TOGARAM2: variants seen among roughly 807,000 people sequenced by gnomAD.
TOGARAM2 encodes TOG array regulator of axonemal microtubules protein 2.
TOGARAM2 carries 85 observed loss-of-function variants against 93.3 expected under a neutral mutation model. That is an observed-to-expected ratio of 0.91 (90% CI 0.76 to 1.09). TOGARAM2 has a LOEUF of 1.09. Ranked by LOEUF, TOGARAM2 falls within the 50% of genes least tolerant of loss-of-function variation. The pLI, the probability that TOGARAM2 is intolerant of heterozygous loss-of-function variation, is 0.00. For missense variants in TOGARAM2, 1,277 were observed against 1,334.5 expected (o/e 0.96, Z 0.67); for synonymous variants, 593 against 552.8 (o/e 1.07, Z -1.02).
At chr2:29,029,264 T>TACACACACACACACACACACACACAC (rs146395549) in intron 14 of TOGARAM2, among the ~76,000 whole-genome samples, 1 of 147,880 alleles carries the variant, frequency 6.8e-6, no homozygotes, top group African/African-American at 2.5e-5. Context: ...TATGTGTGTA[T>TACACACACACACACACACACACACAC]ACACACACAC....
chr2:28,999,600 T>C (rs2148281372), intron 4 of TOGARAM2, 132 bp downstream of exon 4: 1 of 1,033,628 alleles, frequency 9.7e-7, no homozygotes, highest in Non-Finnish European at 1.4e-6. Flanking sequence ...GGTGGGTACA[T>C]ACCAGGTACC....
At chr2:28,998,482 C>T (rs189364022) in intron 3 of TOGARAM2, among the ~76,000 whole-genome samples, 1 of 152,334 alleles carries the variant, frequency 6.6e-6, no homozygotes, top group Non-Finnish European at 1.5e-5. Flanking sequence ...GCAGGGCTCT[C>T]TGCATGCGCC....
intron 18 of TOGARAM2, among the ~76,000 whole-genome samples, chr2:29,042,737 G>A (rs546712117): frequency 5.3e-5 from 8 of 152,260 alleles, no homozygotes; most frequent in Admixed American, 3.9e-4. Flanking sequence ...TCCTAGCTCC[G>A]TGTCCGACTG....
At chr2:29,005,286 G>A (rs62650636) in intron 6 of TOGARAM2, among the ~76,000 whole-genome samples, 99,240 of 126,148 alleles carry the variant, frequency 0.79, 39,571 homozygotes, top group Non-Finnish European at 0.85. Context: ...GTGCATATGT[G>A]TGTGTGTGCA....
chr2:28,986,159 T>A (rs1672456412), intron 1 of TOGARAM2, among the ~76,000 whole-genome samples: 3 of 151,394 alleles, frequency 2.0e-5, no homozygotes, highest in Non-Finnish European at 4.4e-5. Context: ...TCTCCTTAAT[T>A]AGGATGCCCT....
chr2:29,016,346 C>A (rs185679473), intron 8 of TOGARAM2, among the ~76,000 whole-genome samples: 52 of 152,300 alleles, frequency 3.4e-4, no homozygotes, highest in African/African-American at 1.2e-3. Context: ...ACTCTTCCTG[C>A]TTCCAGTGTG....
At chr2:29,039,426 A>T (rs1666301323) in intron 18 of TOGARAM2, among the ~76,000 whole-genome samples, 1 of 152,166 alleles carries the variant, frequency 6.6e-6, no homozygotes, top group Admixed American at 6.5e-5. Flanking sequence ...CCAAGCTAGG[A>T]TGCCTTCTGG....
chr2:29,017,778 C>G lies in TOGARAM2; in HGVS notation c.1196-14C>G. On this transcript the variant is annotated splice_polypyrimidine_tract_variant and intron_variant, in intron 9 of 19. Transcript: ENST00000379558. ...CAGACCTGCCTAGTCCTAGGACTTT[C>G]TCTGTGTCCACAGGCCTCCTTCCCC... 6.3e-7 allele frequency: 1 copy of G among 1,597,048 alleles called. No individual in the cohort carries two copies. Among genetic ancestry groups the G allele is most frequent in the Non-Finnish European group, 8.5e-7 (1 of 1,170,028 alleles).
At chr2:29,036,143 C>T (rs571004148) in intron 17 of TOGARAM2, among the ~76,000 whole-genome samples, 1 of 152,264 alleles carries the variant, frequency 6.6e-6, no homozygotes, top group Admixed American at 6.5e-5. Context: ...GTCAGCAGAC[C>T]TGGGTTTCCA....
At chr2:29,028,969 C>T (rs147836260) in intron 14 of TOGARAM2, among the ~76,000 whole-genome samples, 332 of 152,184 alleles carry the variant, frequency 2.2e-3, no homozygotes, top group African/African-American at 7.5e-3. Context: ...TAGATGTTGG[C>T]GTGGATGTGG....
rs537885851 is a variant in TOGARAM2 at position 28,989,494 on chromosome 2, C to T, written c.-110-5231C>T. ...CTCACTGCAGCCTCAACCTCCTGCG[C>T]TCAAGTGATCCTCCTGCCTCAGCAC... On this transcript the variant is annotated intron_variant, in intron 1 of 19. Coordinates refer to ENST00000379558, the MANE Select transcript of TOGARAM2 (RefSeq NM_199280.4). Among the ~76,000 whole-genome samples, 17 of 152,018 alleles carry T rather than the reference C, an allele frequency of 1.1e-4. 1 individual carries two copies. In the South Asian group the frequency reaches 2.3e-3, roughly 20 times the overall value.
At chr2:29,044,105 A>G (rs1666596589) in intron 18 of TOGARAM2, among the ~76,000 whole-genome samples, 1 of 152,170 alleles carries the variant, frequency 6.6e-6, no homozygotes. Flanking sequence ...AGTCCCCAGA[A>G]CTTTACCCAT....
At chr2:28,993,528 G>A (rs1320908418) in intron 1 of TOGARAM2, among the ~76,000 whole-genome samples, 1 of 152,180 alleles carries the variant, frequency 6.6e-6, no homozygotes, top group African/African-American at 2.4e-5. Context: ...TGTCTCACAG[G>A]GGTTCAGGAC....
chr2:28,965,578 C>T (rs1159459380), intron 1 of TOGARAM2, among the ~76,000 whole-genome samples: 2 of 152,184 alleles, frequency 1.3e-5, no homozygotes, highest in East Asian at 3.8e-4. Context: ...GCCCTGGGAA[C>T]CCTTTAGCTC....
At chr2:28,966,354 G>T (rs1671866821) in intron 1 of TOGARAM2, among the ~76,000 whole-genome samples, 1 of 152,180 alleles carries the variant, frequency 6.6e-6, no homozygotes, top group African/African-American at 2.4e-5. Context: ...CTGGAGTTCA[G>T]TGGTGTGATC....
chr2:29,035,064 C>T (rs1424804857), intron 16 of TOGARAM2, among the ~76,000 whole-genome samples: 2 of 148,892 alleles, frequency 1.3e-5, no homozygotes, highest in African/African-American at 2.5e-5. Flanking sequence ...GCAGGAGAAT[C>T]GTTTGAACCC....
At position 28,999,478 on chromosome 2, in the gene TOGARAM2, G is replaced by A. The variant is rs1572662787; in HGVS notation, c.427+10G>A. On this transcript the variant is annotated intron_variant, in intron 4 of 19. Coordinates refer to ENST00000379558, the MANE Select transcript of TOGARAM2 (RefSeq NM_199280.4). ...GCAGCGTCTTCCCGAGGTGAGCACT[G>A]GCCCCTGCCCACCCCTCACCCACCC... 1 of 1,585,534 alleles carries A rather than the reference G, an allele frequency of 6.3e-7. No homozygotes were observed. Among genetic ancestry groups the A allele is most frequent in the South Asian group, 1.2e-5 (1 of 85,792 alleles).
At chr2:28,993,800 G>T (rs1205710216) in intron 1 of TOGARAM2, among the ~76,000 whole-genome samples, 1 of 152,244 alleles carries the variant, frequency 6.6e-6, no homozygotes, top group Non-Finnish European at 1.5e-5. Context: ...TGGGGCAGTG[G>T]CTGGCTGGCT....
In TOGARAM2 at chr2:28,975,809, G is replaced by A. The variant is rs540414323; in HGVS notation, c.-146-18916G>A. On this transcript the variant is annotated intron_variant, in intron 1 of 6. Transcript: ENST00000401723. Reference sequence around the variant, plus strand: ...CAGATCTAGGTGGGATTGGATGTTCGCTTCACCACTGGGCCTTGCTGATAC... The same window carrying A: ...CAGATCTAGGTGGGATTGGATGTTCACTTCACCACTGGGCCTTGCTGATAC... 8.5e-5 allele frequency among the ~76,000 whole-genome samples: 13 copies of A among 152,134 alleles called. No homozygotes were observed. In the South Asian group the frequency reaches 1.2e-3, roughly 15 times the overall value.
Sources: allele counts gnomAD v4.1 joint callset (sites outside exome capture counted in the v4.1 genomes callset), GRCh38; gene constraint gnomAD v4.1.1; transcripts MANE v1.5; gene names NCBI Gene and HGNC (gene_info 2026-07-23, HGNC 2026-07-21).